OPCML: variants seen among roughly 807,000 people sequenced by gnomAD.
OPCML encodes opioid-binding protein/cell adhesion molecule.
A neutral mutation model predicts 37.8 loss-of-function variants in OPCML; 13 were observed. The ratio of observed to expected loss-of-function variants is 0.34; its 90% CI spans 0.22 to 0.55. The LOEUF (loss-of-function observed/expected upper bound fraction) is 0.55, where lower values mean the gene tolerates loss of function less well. Ranked by LOEUF, OPCML falls within the 20% of genes least tolerant of loss-of-function variation. The pLI, the probability that OPCML is intolerant of heterozygous loss-of-function variation, is 0.91. For missense variants in OPCML, 341 were observed against 435.6 expected, an observed-to-expected ratio of 0.78 and a Z score of 1.93; for synonymous variants, 176 against 168.8, an observed-to-expected ratio of 1.04 and a Z score of -0.33.
chr11:132,629,657 C>T (rs1379841789), intron 3 of OPCML, among the ~76,000 whole-genome samples: 2 of 151,788 alleles, frequency 1.3e-5, no homozygotes, highest in African/African-American at 4.8e-5. Flanking sequence ...TTGTTTTTTT[C>T]CTACTTGGCC....
At chr11:132,662,344 T>C (rs1942010107) in intron 2 of OPCML, among the ~76,000 whole-genome samples, 1 of 151,604 alleles carries the variant, frequency 6.6e-6, no homozygotes, top group Non-Finnish European at 1.5e-5. Flanking sequence ...TCACTGAAAA[T>C]TAAAATCAAT....
At chr11:133,068,414 G>A (rs2137004066) in intron 1 of OPCML, among the ~76,000 whole-genome samples, 1 of 152,326 alleles carries the variant, frequency 6.6e-6, no homozygotes, top group Non-Finnish European at 1.5e-5. Flanking sequence ...TGGTAAAGGG[G>A]AAGGCCTGCT....
chr11:132,910,670 C>G (rs147871320), intron 2 of OPCML, among the ~76,000 whole-genome samples: 184 of 152,258 alleles, frequency 1.2e-3, no homozygotes, highest in African/African-American at 3.8e-3. Context: ...ACAAGTATTT[C>G]CCTGAAGTAG....
chr11:133,289,406 T>G (rs1211161292), intron 1 of OPCML, among the ~76,000 whole-genome samples: 2 of 151,710 alleles, frequency 1.3e-5, no homozygotes, highest in Admixed American at 6.6e-5. Context: ...CCATCCCGGC[T>G]AAAACGGTGA....
intron 2 of OPCML, among the ~76,000 whole-genome samples, chr11:132,908,969 C>T (rs78947923): frequency 0.068 from 10,359 of 152,200 alleles, 1,150 homozygotes; most frequent in African/African-American, 0.24. Context: ...GTTCCTCAAG[C>T]CCTGGCAAAC....
chr11:133,482,388 C>T (rs180969812), intron 1 of OPCML, among the ~76,000 whole-genome samples: 9 of 152,232 alleles, frequency 5.9e-5, no homozygotes, highest in African/African-American at 9.6e-5. Context: ...CGGTTTCATA[C>T]GGGAAAGCAT....
chr11:132,852,336 A>C (rs1173381891), intron 2 of OPCML, among the ~76,000 whole-genome samples: 1 of 152,142 alleles, frequency 6.6e-6, no homozygotes, highest in Non-Finnish European at 1.5e-5. Flanking sequence ...TGGAAAACCT[A>C]AGAGGGCAGA....
intron 3 of OPCML, among the ~76,000 whole-genome samples, chr11:132,622,557 C>G (rs1939487567): frequency 6.6e-6 from 1 of 152,148 alleles, no homozygotes; most frequent in Non-Finnish European, 1.5e-5. Flanking sequence ...GGAGTCGAGC[C>G]TGATGTGGGT....
intron 2 of OPCML, among the ~76,000 whole-genome samples, chr11:132,714,654 C>T (rs781084193): frequency 1.2e-4 from 19 of 152,202 alleles, no homozygotes; most frequent in Middle Eastern, 6.8e-3. Flanking sequence ...GGAAACAGGC[C>T]GAGAGCACTG....
At chr11:132,870,409 G>T (rs913896658) in intron 2 of OPCML, among the ~76,000 whole-genome samples, 1 of 152,098 alleles carries the variant, frequency 6.6e-6, no homozygotes, top group South Asian at 2.1e-4. Context: ...ATGGTTGGTG[G>T]GGATGTCAAT....
intron 2 of OPCML, among the ~76,000 whole-genome samples, chr11:132,786,759 G>C (rs533009056): frequency 6.6e-6 from 1 of 152,254 alleles, no homozygotes; most frequent in Non-Finnish European, 1.5e-5. Flanking sequence ...ATCTGCTGAC[G>C]TGAATGCACT....
intron 2 of OPCML, among the ~76,000 whole-genome samples, chr11:132,806,660 G>C (rs78341417): frequency 0.04 from 6,121 of 152,194 alleles, 154 homozygotes; most frequent in Middle Eastern, 0.075. Context: ...ACTAAAGTTG[G>C]ATATTTTAAT....
intron 1 of OPCML, among the ~76,000 whole-genome samples, chr11:133,521,134 G>A (rs1948388906): frequency 6.6e-6 from 1 of 152,192 alleles, no homozygotes; most frequent in Admixed American, 6.5e-5. Context: ...ACCTGGAACT[G>A]CACAGCACTT....
At chr11:133,308,454 T>C (rs985471600) in intron 1 of OPCML, among the ~76,000 whole-genome samples, 3 of 151,926 alleles carry the variant, frequency 2.0e-5, no homozygotes, top group Non-Finnish European at 4.4e-5. Context: ...AAAGGAGAGG[T>C]GACTAGAATA....
chr11:132,741,675 C>T (rs762082859), intron 2 of OPCML, among the ~76,000 whole-genome samples: 2 of 152,102 alleles, frequency 1.3e-5, no homozygotes, highest in Non-Finnish European at 2.9e-5. Flanking sequence ...TGGACATTGG[C>T]ATTGTTCTAA....
chr11:132,897,617 C>T (rs1670124092), intron 2 of OPCML, among the ~76,000 whole-genome samples: 1 of 152,180 alleles, frequency 6.6e-6, no homozygotes, highest in African/African-American at 2.4e-5. Flanking sequence ...CTGTATGATA[C>T]AGAGGCACCA....
At chr11:132,550,824 A>G (rs1473078437) in intron 3 of OPCML, among the ~76,000 whole-genome samples, 1 of 152,238 alleles carries the variant, frequency 6.6e-6, no homozygotes, top group Non-Finnish European at 1.5e-5. Context: ...TGGGTGGATT[A>G]TGCCATAATA....
chr11:133,257,569 A>G (rs1002952674), intron 1 of OPCML, among the ~76,000 whole-genome samples: 4 of 152,266 alleles, frequency 2.6e-5, no homozygotes, highest in East Asian at 1.9e-4. Flanking sequence ...GTTCTTACAC[A>G]CTGAGCTACA....
chr11:132,945,533 C>T (rs948536859), intron 1 of OPCML, among the ~76,000 whole-genome samples: 1 of 152,096 alleles, frequency 6.6e-6, no homozygotes, highest in Non-Finnish European at 1.5e-5. Flanking sequence ...GAATGGAGGC[C>T]TAGGACATTA....
Sources: allele counts gnomAD v4.1 joint callset (sites outside exome capture counted in the v4.1 genomes callset), GRCh38; gene constraint gnomAD v4.1.1; transcripts MANE v1.5; gene names NCBI Gene and HGNC (gene_info 2026-07-23, HGNC 2026-07-21).